Variants in ANKRD62 observed in about 807,000 individuals in gnomAD.
ANKRD62 encodes the protein ankyrin repeat domain 62.
A neutral mutation model predicts 98.8 loss-of-function variants in ANKRD62; 61 were observed. The observed-to-expected ratio is 0.62, with a 90% CI of 0.50 to 0.76. The LOEUF (loss-of-function observed/expected upper bound fraction) is 0.76, where lower values mean the gene tolerates loss of function less well. ANKRD62 is among the 30% of genes least tolerant of loss of function. The probability of loss-of-function intolerance (pLI) is 0.00; values close to 1 mark genes in which losing one functional copy is unlikely to be tolerated. For synonymous variants in ANKRD62, 341 were observed against 367.9 expected (o/e 0.93, Z 0.84); for missense variants, 933 against 1,082.9 (o/e 0.86, Z 1.94).
chr18:12,098,295 T>A (rs1909225561), intron 5 of ANKRD62: 1 of 152,336 alleles, frequency 6.6e-6, no homozygotes, highest in African/African-American at 2.4e-5. Flanking sequence ...CTCAAGTTTT[T>A]AAAATATCTT....
At chr18:12,132,317 A>G (rs548174170), downstream of ANKRD62, among the ~76,000 whole-genome samples, 3 of 152,254 alleles carry the variant, frequency 2.0e-5, no homozygotes, top group East Asian at 5.8e-4. Flanking sequence ...TAACGTTGTA[A>G]TTGGTTTCAC....
chr18:12,140,922 CTT>C, the ANKRD62 span, among the ~76,000 whole-genome samples: 11 of 152,212 alleles, frequency 7.2e-5, no homozygotes, highest in East Asian at 1.9e-3. Context: ...TTATTGCTGT[CTT>C]TTTTTTGTCT....
chr18:12,125,130 A>C (rs938596074), intron 12 of ANKRD62, among the ~76,000 whole-genome samples: 1 of 152,188 alleles, frequency 6.6e-6, no homozygotes, highest in African/African-American at 2.4e-5. Context: ...TCTAAATGTA[A>C]TCATAGTTAT....
the ANKRD62 span, among the ~76,000 whole-genome samples, chr18:12,181,142 C>T: frequency 1.3e-5 from 2 of 151,082 alleles, no homozygotes; most frequent in African/African-American, 4.9e-5. Context: ...TTAGAAAATT[C>T]TATACTGTGC....
At chr18:12,145,051 G>C in the ANKRD62 span, among the ~76,000 whole-genome samples, 1 of 152,000 alleles carries the variant, frequency 6.6e-6, no homozygotes, top group Non-Finnish European at 1.5e-5. Flanking sequence ...GCTGAGGCTG[G>C]AGAATTGCTT....
Position 12,112,509 on chromosome 18 carries a change from A to G in ANKRD62, c.1065-2579A>G, listed in dbSNP as rs377530103. On this transcript the variant is annotated intron_variant, in intron 8 of 13. Transcript: ENST00000587848. ...ATGGTACTGGGATAACTGGCTAGCCATATGCAGAGGATTGAAACTTCACCC... is the reference window on the plus strand; with the variant it reads ...ATGGTACTGGGATAACTGGCTAGCCGTATGCAGAGGATTGAAACTTCACCC... Among the ~76,000 whole-genome samples, 16 of 152,352 alleles carry G rather than the reference A, an allele frequency of 1.1e-4. No homozygotes were observed. In the East Asian group the frequency reaches 2.1e-3, roughly 20 times the overall value.
At chr18:12,167,710 C>A in the ANKRD62 span, among the ~76,000 whole-genome samples, 4 of 152,186 alleles carry the variant, frequency 2.6e-5, no homozygotes, top group African/African-American at 9.7e-5. Flanking sequence ...GGAATCGCCA[C>A]ACCGTCTTCC....
At chr18:12,139,041 A>G in the ANKRD62 span, among the ~76,000 whole-genome samples, 3 of 152,212 alleles carry the variant, frequency 2.0e-5, no homozygotes, top group Non-Finnish European at 2.9e-5. Context: ...TAGCCCATTT[A>G]CATTTAAGGT....
In ANKRD62 at chr18:12,125,591, C is replaced by A. The variant is rs923353659; in HGVS notation, c.1770C>A (p.Phe590Leu). Reference sequence around the variant, plus strand: ...ACCAGGAAACTGAAAATAAATATTTCAAAGATATTGAAATTATAAAGGAAA... The same window carrying A: ...ACCAGGAAACTGAAAATAAATATTTAAAAGATATTGAAATTATAAAGGAAA... ...HQNQETENKY[F>L]KDIEIIKENN... The change falls in exon 13 of 14, where the codon TTC becomes TTA. Residue 590 changes from phenylalanine to leucine, a missense_variant. Transcript: ENST00000587848. The A allele has an allele frequency of 7.2e-6, 11 of 1,527,230 alleles. No homozygotes were observed. In the African/African-American group the frequency reaches 1.1e-4, roughly 15 times the overall value. The allele number at this position is 1,527,230 out of a possible 1,614,324, so 94.6% of individuals were successfully genotyped here.
chr18:12,121,596 CTTTTGTTT>C (rs1909783310), intron 10 of ANKRD62, among the ~76,000 whole-genome samples: 1 of 152,142 alleles, frequency 6.6e-6, no homozygotes, highest in Non-Finnish European at 1.5e-5. Context: ...TTTCTCTCTG[CTTTTGTTT>C]TACCGGATTC....
chr18:12,108,956 C>T (rs1004741788), intron 8 of ANKRD62, among the ~76,000 whole-genome samples: 5 of 152,224 alleles, frequency 3.3e-5, no homozygotes, highest in Non-Finnish European at 5.9e-5. Context: ...GCAGCTCTGC[C>T]CCTGTGGCTC....
At chr18:12,169,694 T>C in the ANKRD62 span, among the ~76,000 whole-genome samples, 1 of 152,210 alleles carries the variant, frequency 6.6e-6, no homozygotes, top group Admixed American at 6.5e-5. Context: ...ATAGGGGTAG[T>C]TTCAGAAGGA....
At chr18:12,121,669 T>C (rs970519785) in intron 10 of ANKRD62, among the ~76,000 whole-genome samples, 1 of 152,204 alleles carries the variant, frequency 6.6e-6, no homozygotes, top group Non-Finnish European at 1.5e-5. Context: ...CGCTTTGTCA[T>C]GGCCTGGAAG....
chr18:12,103,297 T>A, intron 7 of ANKRD62, 69 bp downstream of exon 7: 1 of 923,258 alleles, frequency 1.1e-6, no homozygotes, highest in Non-Finnish European at 1.5e-6. Context: ...ATGAAATTAC[T>A]TTTGGACTAG....
chr18:12,122,544 T>G (rs2143929077), intron 11 of ANKRD62, 28 bp downstream of exon 11: 1 of 1,481,536 alleles, frequency 6.7e-7, no homozygotes, highest in Non-Finnish European at 8.9e-7. Flanking sequence ...TAAAGAAATA[T>G]TTCAACTATT....
At chr18:12,106,353 A>T (rs1203821025) in intron 7 of ANKRD62, among the ~76,000 whole-genome samples, 1 of 152,184 alleles carries the variant, frequency 6.6e-6, no homozygotes, top group Non-Finnish European at 1.5e-5. Context: ...AGTTTTAAAG[A>T]TAGACAAAAA....
At chr18:12,158,865 T>C in the ANKRD62 span, among the ~76,000 whole-genome samples, 1 of 152,128 alleles carries the variant, frequency 6.6e-6, no homozygotes, top group Non-Finnish European at 1.5e-5. Context: ...CATTTAAAAA[T>C]ATTTCAGCTG....
At chr18:12,139,668 A>ATTGGC in the ANKRD62 span, among the ~76,000 whole-genome samples, 1 of 151,878 alleles carries the variant, frequency 6.6e-6, no homozygotes, top group Non-Finnish European at 1.5e-5. Context: ...AATGTTGAGT[A>ATTGGC]TTGGCCCCCA....
the ANKRD62 span, among the ~76,000 whole-genome samples, chr18:12,177,317 AG>A: frequency 6.6e-6 from 1 of 152,300 alleles, no homozygotes; most frequent in Non-Finnish European, 1.5e-5. Context: ...GACACCAGCA[AG>A]GAGAGGAGCC....
Sources: allele counts gnomAD v4.1 joint callset (sites outside exome capture counted in the v4.1 genomes callset), GRCh38; gene constraint gnomAD v4.1.1; transcripts MANE v1.5; gene names NCBI Gene and HGNC (gene_info 2026-07-23, HGNC 2026-07-21).